Variants in FGD4 observed in about 807,000 individuals in gnomAD.
The protein encoded by FGD4 is FYVE, RhoGEF and PH domain-containing protein 4.
In FGD4, 42 loss-of-function variants were observed where a neutral mutation model predicts 102.0. The observed-to-expected ratio is 0.41, with a 90% CI of 0.32 to 0.53. FGD4 has a LOEUF of 0.53. Ranked by LOEUF, FGD4 falls within the 20% of genes least tolerant of loss-of-function variation. The pLI is 0.21. For missense variants in FGD4, 902 were observed against 1,078.2 expected, an observed-to-expected ratio of 0.84 and a Z score of 2.29; for synonymous variants, 380 against 375.7, an observed-to-expected ratio of 1.01 and a Z score of -0.13.
chr12:32,415,348 G>T (rs2136404224), intron 1 of FGD4, among the ~76,000 whole-genome samples: 1 of 149,686 alleles, frequency 6.7e-6, no homozygotes, highest in Admixed American at 6.6e-5. Flanking sequence ...CTGTCTAGAA[G>T]ATCTGTCCAA....
intron 1 of FGD4, chr12:32,511,725 C>G (rs1433043475): frequency 6.6e-6 from 1 of 152,136 alleles, no homozygotes; most frequent in Admixed American, 6.5e-5. Context: ...TTTGAAACTA[C>G]ACAGAACTAT....
chr12:32,440,251 G>A (rs1942386796), intron 1 of FGD4, among the ~76,000 whole-genome samples: 2 of 152,180 alleles, frequency 1.3e-5, no homozygotes, highest in African/African-American at 4.8e-5. Flanking sequence ...GGTATTTATT[G>A]TAGTCTTCCT....
intron 1 of FGD4, among the ~76,000 whole-genome samples, chr12:32,463,599 G>A (rs1448961134): frequency 6.6e-6 from 1 of 152,182 alleles, no homozygotes; most frequent in African/African-American, 2.4e-5. Context: ...TGGAAGCCTG[G>A]GTAAATGTCC....
intron 4 of FGD4, among the ~76,000 whole-genome samples, chr12:32,596,593 T>C (rs1947910597): frequency 6.6e-6 from 1 of 151,992 alleles, no homozygotes; most frequent in Non-Finnish European, 1.5e-5. Context: ...TTTTTTTTTT[T>C]TTAAGTTTAG....
At chr12:32,630,328 C>T (rs114868457) in intron 14 of FGD4, among the ~76,000 whole-genome samples, 1,763 of 152,202 alleles carry the variant, frequency 0.012, 30 homozygotes, top group African/African-American at 0.041. Flanking sequence ...CATATTTAAT[C>T]GTGGTTATGT....
At chr12:32,464,203 T>A (rs538274161) in intron 1 of FGD4, among the ~76,000 whole-genome samples, 5 of 152,284 alleles carry the variant, frequency 3.3e-5, no homozygotes, top group Non-Finnish European at 7.3e-5. Flanking sequence ...CCAAGGCTAG[T>A]GTGCACTGGT....
chr12:32,411,838 G>T (rs1196245852), intron 1 of FGD4, among the ~76,000 whole-genome samples: 1 of 152,154 alleles, frequency 6.6e-6, no homozygotes, highest in Admixed American at 6.5e-5. Context: ...CACAGGGTGT[G>T]GTGGCGGGCG....
At chr12:32,460,931 G>C (rs1943089168) in intron 1 of FGD4, among the ~76,000 whole-genome samples, 1 of 152,142 alleles carries the variant, frequency 6.6e-6, no homozygotes, top group Non-Finnish European at 1.5e-5. Flanking sequence ...TGTTTCTATT[G>C]AATTAACTGG....
intron 1 of FGD4, among the ~76,000 whole-genome samples, chr12:32,526,792 G>A (rs1039405937): frequency 6.6e-6 from 1 of 152,132 alleles, no homozygotes; most frequent in African/African-American, 2.4e-5. Context: ...CGAGCCCACT[G>A]GGAGGAACGA....
intron 1 of FGD4, among the ~76,000 whole-genome samples, chr12:32,503,479 G>A (rs1259523446): frequency 2.0e-5 from 3 of 152,028 alleles, no homozygotes; most frequent in African/African-American, 4.8e-5. Context: ...TATTAGTCAA[G>A]GACTCATGTT....
In FGD4 at chr12:32,468,067, G is replaced by A. The variant is rs185428998; in HGVS notation, c.166+68108G>A. 1.0e-3 allele frequency among the ~76,000 whole-genome samples: 153 copies of A among 151,826 alleles called. 1 individual carries two copies. Among genetic ancestry groups the A allele is most frequent in the African/African-American group, 3.6e-3 (151 of 41,390 alleles). ...TAATTATAATTTTTTTTCTAAGTTG[G>A]GGTGTTGCCCTGTCACCCAGGCTGG... On this transcript the variant is annotated intron_variant, in intron 1 of 16. Coordinates refer to ENST00000534526, the MANE Select transcript of FGD4 (RefSeq NM_001370298.3).
At chr12:32,433,216 C>T (rs892849798) in intron 1 of FGD4, among the ~76,000 whole-genome samples, 5 of 152,056 alleles carry the variant, frequency 3.3e-5, no homozygotes, top group Admixed American at 1.3e-4. Flanking sequence ...AAGCTGGAAT[C>T]GAACTCCTGG....
At chr12:32,592,140 T>C (rs1005863985) in intron 4 of FGD4, among the ~76,000 whole-genome samples, 1 of 152,060 alleles carries the variant, frequency 6.6e-6, no homozygotes, top group African/African-American at 2.4e-5. Context: ...TGCGGTGCAA[T>C]GGTGTGATCT....
intron 1 of FGD4, among the ~76,000 whole-genome samples, chr12:32,404,736 A>G (rs1381169140): frequency 6.6e-6 from 1 of 152,132 alleles, no homozygotes; most frequent in Non-Finnish European, 1.5e-5. Context: ...ATATTTTTAA[A>G]TAAAAGTATC....
chr12:32,529,858 T>TAAA (rs530797820), intron 1 of FGD4, among the ~76,000 whole-genome samples: 6 of 140,814 alleles, frequency 4.3e-5, no homozygotes, highest in Admixed American at 1.4e-4. Flanking sequence ...AAAAAAAAAT[T>TAAA]TAAAAAAAAA....
At chr12:32,467,540 C>A (rs1943293254) in intron 1 of FGD4, among the ~76,000 whole-genome samples, 1 of 152,262 alleles carries the variant, frequency 6.6e-6, no homozygotes, top group East Asian at 1.9e-4. Flanking sequence ...TTGAAAGGAG[C>A]TAATAAAGTG....
intron 1 of FGD4, among the ~76,000 whole-genome samples, chr12:32,433,730 T>C (rs7971525): frequency 0.13 from 20,381 of 152,238 alleles, 1,547 homozygotes; most frequent in Middle Eastern, 0.21. Context: ...GCCATATCAC[T>C]GTTAATTGTT....
Position 32,638,637 on chromosome 12 carries a change from T to G in FGD4, c.2314-18T>G, listed in dbSNP as rs764841875. Reference sequence around the variant, plus strand: ...ATTTGTTGTGTGTTCATTCTGTCTTTCCATTATATTTTTCTAGATTGAATC... The same window carrying G: ...ATTTGTTGTGTGTTCATTCTGTCTTGCCATTATATTTTTCTAGATTGAATC... On this transcript the variant is annotated intron_variant, in intron 15 of 16. Coordinates refer to ENST00000534526, the MANE Select transcript of FGD4 (RefSeq NM_001370298.3). The G allele has an allele frequency of 3.1e-6, 5 of 1,613,976 alleles. No homozygotes were observed. Among genetic ancestry groups the G allele is most frequent in the African/African-American group, 2.7e-5 (2 of 74,930 alleles).
intron 1 of FGD4, among the ~76,000 whole-genome samples, chr12:32,455,681 A>G (rs1942928708): frequency 6.6e-6 from 1 of 152,124 alleles, no homozygotes; most frequent in African/African-American, 2.4e-5. Context: ...TTTTTGTGAA[A>G]TAGAGGTGTT....
Sources: allele counts gnomAD v4.1 joint callset (sites outside exome capture counted in the v4.1 genomes callset), GRCh38; gene constraint gnomAD v4.1.1; transcripts MANE v1.5; gene names NCBI Gene and HGNC (gene_info 2026-07-23, HGNC 2026-07-21).